Variants in HDAC9 observed in about 807,000 individuals in gnomAD.
HDAC9 encodes MEF-2 interacting transcription repressor (MITR) protein.
A neutral mutation model predicts 139.4 loss-of-function variants in HDAC9; 41 were observed. That is an observed-to-expected ratio of 0.29 (90% CI 0.23 to 0.38). HDAC9 has a LOEUF of 0.38. HDAC9 is among the 10% of genes least tolerant of loss of function. The pLI is 1.00. For missense variants in HDAC9, 1,147 were observed against 1,297.0 expected (o/e 0.88, Z 1.78); for synonymous variants, 517 against 476.2 (o/e 1.09, Z -1.12).
intron 10 of HDAC9, 68 bp from the exon 11 acceptor site, chr7:18,648,396 TTG>T (rs1323588548): frequency 5.2e-4 from 619 of 1,200,146 alleles, no homozygotes; most frequent in South Asian, 1.7e-3. Context: ...TTTCTTAAAA[TTG>T]TGTGTGTGTG....
At chr7:18,200,287 G>C (rs1425817238) in intron 2 of HDAC9, among the ~76,000 whole-genome samples, 1 of 152,218 alleles carries the variant, frequency 6.6e-6, no homozygotes, top group Admixed American at 6.5e-5. Context: ...TGAAAACACT[G>C]ATTGTGAATG....
chr7:18,256,334 G>A (rs1795243101), intron 2 of HDAC9, among the ~76,000 whole-genome samples: 1 of 152,086 alleles, frequency 6.6e-6, no homozygotes, highest in South Asian at 2.1e-4. Flanking sequence ...ATAACATTTG[G>A]GGAATAGCAA....
At chr7:18,942,274 G>A (rs10486327) in intron 23 of HDAC9, among the ~76,000 whole-genome samples, 19,610 of 151,968 alleles carry the variant, frequency 0.13, 1,716 homozygotes, top group East Asian at 0.39. Context: ...ACTAATATGA[G>A]CTAATGTCTA....
At chr7:18,948,111 A>C (rs574652308) in intron 23 of HDAC9, among the ~76,000 whole-genome samples, 62 of 152,172 alleles carry the variant, frequency 4.1e-4, no homozygotes, top group African/African-American at 1.5e-3. Context: ...TCCACAGTAT[A>C]CATCAGGTTT....
intron 2 of HDAC9, among the ~76,000 whole-genome samples, chr7:18,173,545 C>G (rs1003413068): frequency 2.0e-5 from 3 of 152,178 alleles, no homozygotes; most frequent in Non-Finnish European, 2.9e-5. Flanking sequence ...TTCTTCCTAG[C>G]ATTGACGGTC....
At chr7:18,731,376 C>T (rs1309637788) in intron 13 of HDAC9, among the ~76,000 whole-genome samples, 3 of 152,178 alleles carry the variant, frequency 2.0e-5, no homozygotes, top group Admixed American at 6.5e-5. Flanking sequence ...AAGAGCTATA[C>T]TTTTTGGTGC....
intron 24 of HDAC9, among the ~76,000 whole-genome samples, chr7:18,970,427 C>G (rs994244323): frequency 2.0e-5 from 3 of 151,816 alleles, no homozygotes; most frequent in Non-Finnish European, 4.4e-5. Flanking sequence ...TTTTATAGGC[C>G]AACTGATAAA....
intron 1 of HDAC9, among the ~76,000 whole-genome samples, chr7:18,130,294 C>A (rs1179987896): frequency 6.6e-6 from 1 of 152,000 alleles, no homozygotes; most frequent in Non-Finnish European, 1.5e-5. Context: ...TAATGCTCAA[C>A]CTGTATAAAG....
intron 1 of HDAC9, among the ~76,000 whole-genome samples, chr7:18,414,353 A>G (rs1008690845): frequency 2.6e-4 from 39 of 152,192 alleles, no homozygotes; most frequent in African/African-American, 9.1e-4. Flanking sequence ...TTTTCTTATC[A>G]AATAATAGGA....
chr7:18,676,681 C>A, intron 12 of HDAC9, among the ~76,000 whole-genome samples: 1 of 151,902 alleles, frequency 6.6e-6, no homozygotes, highest in Non-Finnish European at 1.5e-5. Flanking sequence ...CTGACAAACT[C>A]ATAAAAATAT....
At chr7:18,106,037 G>C (rs1783182152) in intron 1 of HDAC9, among the ~76,000 whole-genome samples, 1 of 152,202 alleles carries the variant, frequency 6.6e-6, no homozygotes, top group African/African-American at 2.4e-5. Context: ...AGGTAGAATA[G>C]TGGTTGCCTG....
intron 13 of HDAC9, among the ~76,000 whole-genome samples, chr7:18,742,719 A>G (rs1584955710): frequency 6.6e-6 from 1 of 151,752 alleles, no homozygotes; most frequent in Non-Finnish European, 1.5e-5. Flanking sequence ...TTTCCTTTAT[A>G]TTCTGGAGGC....
chr7:18,303,477 G>C (rs1405335543), intron 1 of HDAC9, among the ~76,000 whole-genome samples: 4 of 151,444 alleles, frequency 2.6e-5, no homozygotes, highest in African/African-American at 9.7e-5. Flanking sequence ...TCGATATCCT[G>C]ACCTTGTGAT....
chr7:18,484,866 A>G (rs115165488), intron 1 of HDAC9, among the ~76,000 whole-genome samples: 2,179 of 151,986 alleles, frequency 0.014, 52 homozygotes, highest in African/African-American at 0.049. Context: ...AAAAAAAAAA[A>G]AGGAAAACGT....
chr7:18,962,714 T>C (rs1474707007), intron 24 of HDAC9, among the ~76,000 whole-genome samples: 1 of 152,178 alleles, frequency 6.6e-6, no homozygotes, highest in Admixed American at 6.5e-5. Flanking sequence ...CATGATACCA[T>C]GATACCATTC....
intron 16 of HDAC9, among the ~76,000 whole-genome samples, chr7:18,790,841 G>A (rs12540265): frequency 0.72 from 110,005 of 152,040 alleles, 41,610 homozygotes; most frequent in Non-Finnish European, 0.85. Flanking sequence ...CAAAATATCA[G>A]TCATCCACTG....
intron 25 of HDAC9, among the ~76,000 whole-genome samples, chr7:18,992,179 C>T (rs1367703676): frequency 6.6e-6 from 1 of 152,132 alleles, no homozygotes; most frequent in Non-Finnish European, 1.5e-5. Context: ...CAGCATAAGT[C>T]TTTAGAGTAC....
chr7:18,802,471 C>T (rs1227169466), intron 17 of HDAC9, among the ~76,000 whole-genome samples: 1 of 151,790 alleles, frequency 6.6e-6, no homozygotes, highest in East Asian at 1.9e-4. Flanking sequence ...TAAATAGAAT[C>T]GGCATCCACA....
chr7:18,184,245 G>A lies in HDAC9; in HGVS notation c.25+21896G>A, dbSNP rs74765107. Reference sequence around the variant, plus strand: ...GAAACCCCGTCTCTACTAAAAATACGAAGTTAGCTGAGCGTTGCGGCACAT... The same window carrying A: ...GAAACCCCGTCTCTACTAAAAATACAAAGTTAGCTGAGCGTTGCGGCACAT... On this transcript the variant is annotated intron_variant, in intron 2 of 12. Transcript: ENST00000417496. Among the ~76,000 whole-genome samples, 1,084 of 152,154 alleles carry A rather than the reference G, an allele frequency of 7.1e-3. 10 individuals carry two copies. Among genetic ancestry groups the A allele is most frequent in the Middle Eastern group, 0.014 (4 of 294 alleles).
Sources: allele counts gnomAD v4.1 joint callset (sites outside exome capture counted in the v4.1 genomes callset), GRCh38; gene constraint gnomAD v4.1.1; transcripts MANE v1.5; gene names NCBI Gene and HGNC (gene_info 2026-07-23, HGNC 2026-07-21).